The following PCDHA6 variants were observed in gnomAD, a reference collection of about 807,000 sequenced individuals.
PCDHA6 encodes the protein protocadherin alpha 6.
PCDHA6 carries 55 observed loss-of-function variants against 60.3 expected under a neutral mutation model. That is an observed-to-expected ratio of 0.91 (90% CI 0.73 to 1.14). PCDHA6 has a LOEUF of 1.14. Ranked by LOEUF, PCDHA6 falls within the 50% of genes most tolerant of loss-of-function variation. The pLI is 0.00. For missense variants in PCDHA6, 1,327 were observed against 1,256.5 expected, an observed-to-expected ratio of 1.06 and a Z score of -0.85; for synonymous variants, 652 against 557.9, an observed-to-expected ratio of 1.17 and a Z score of -2.38.
chr5:140,976,507 C>T (rs868949957), intron 1 of PCDHA6, among the ~76,000 whole-genome samples: 2 of 151,968 alleles, frequency 1.3e-5, no homozygotes, highest in African/African-American at 4.8e-5. Context: ...GCCAAGATCG[C>T]GCCACTGCAC....
In PCDHA6 at chr5:140,870,897, G is replaced by A. The variant is rs372076650; in HGVS notation, c.2394+40412G>A. 4 of 1,613,942 alleles carry A rather than the reference G, an allele frequency of 2.5e-6. No individual in the cohort carries two copies. In the African/African-American group the frequency reaches 4.0e-5, roughly 16 times the overall value. Reference sequence around the variant, plus strand: ...TGGCGAAGGTGCGCGCAGTGGATGCGGACTCAGGCTACAACGCGTGGCTTT... The same window carrying A: ...TGGCGAAGGTGCGCGCAGTGGATGCAGACTCAGGCTACAACGCGTGGCTTT... On this transcript the variant is annotated intron_variant, in intron 1 of 3. Coordinates refer to ENST00000529310, the MANE Select transcript of PCDHA6 (RefSeq NM_018909.4).
chr5:140,851,332 C>T (rs2042029710), intron 1 of PCDHA6: 1 of 971,624 alleles, frequency 1.0e-6, no homozygotes, highest in Non-Finnish European at 1.3e-6. Context: ...GTTTGTAGTT[C>T]TCTACATTTC....
At chr5:141,003,762 G>A (rs1295345972) in intron 3 of PCDHA6, among the ~76,000 whole-genome samples, 1 of 152,146 alleles carries the variant, frequency 6.6e-6, no homozygotes, top group East Asian at 1.9e-4. Flanking sequence ...AATTATGGTC[G>A]TATTCTGTTA....
intron 1 of PCDHA6, among the ~76,000 whole-genome samples, chr5:140,948,219 T>G (rs1285446038): frequency 6.6e-6 from 1 of 151,682 alleles, no homozygotes; most frequent in Non-Finnish European, 1.5e-5. Context: ...CAAACATTGT[T>G]AGATTTAACT....
rs2150475866 is a variant in PCDHA6 at position 140,850,252 on chromosome 5, GCGC to G, written c.2394+19770_2394+19772del. The G allele has an allele frequency of 1.9e-6, 3 of 1,593,828 alleles. 1 individual carries two copies. The Admixed American group carries it at 5.1e-5, about 27-fold the overall frequency. On this transcript the variant is annotated intron_variant, in intron 1 of 3. Transcript: ENST00000529310. ...AGCGAGATGGTGCTGCGGTCGGTGG[GCGC>G]CGGCGTAGTGGTGGGGAAGGTGCGC...
rs1167461963 is a variant in PCDHA6 at position 140,968,386 on chromosome 5, G to A, written c.2395-10563G>A. 2.5e-6 allele frequency: 4 copies of A among 1,613,910 alleles called. No homozygotes were observed. The African/African-American group carries it at 4.0e-5, about 16-fold the overall frequency. On this transcript the variant is annotated intron_variant, in intron 1 of 3. Transcript: ENST00000529310. ...ATGCTGTCAACTCCTTTGACTATGA[G>A]AAGTTTCGGGAGTTCTTTGTGACTG...
chr5:140,857,377 G>A (rs1347476888), intron 1 of PCDHA6: 1 of 1,598,358 alleles, frequency 6.3e-7, no homozygotes, highest in African/African-American at 1.3e-5. Context: ...TGTCTGTGGA[G>A]GTGGCCGACG....
intron 2 of PCDHA6, among the ~76,000 whole-genome samples, chr5:140,980,278 GAAAAGT>G (rs1267614144): frequency 6.6e-6 from 1 of 152,166 alleles, no homozygotes; most frequent in Non-Finnish European, 1.5e-5. Context: ...ACCAACTCTT[GAAAAGT>G]ACCAAAGCTA....
At position 140,884,316 on chromosome 5, in the gene PCDHA6, C is replaced by T. The variant is rs563652109; in HGVS notation, c.2394+53831C>T. The T allele has an allele frequency of 3.1e-6, 5 of 1,613,752 alleles. No individual in the cohort carries two copies. The East Asian group carries it at 8.9e-5, about 29-fold the overall frequency. On this transcript the variant is annotated intron_variant, in intron 1 of 3. Coordinates refer to ENST00000529310, the MANE Select transcript of PCDHA6 (RefSeq NM_018909.4). ...GCGCCACAGGCTTCGTCGAGGGCGT[C>T]GGCAGGCGCTGTGGGTCCAGAAGCG...
At chr5:140,841,979 C>A (rs1316425759) in intron 1 of PCDHA6, 1 of 1,613,850 alleles carries the variant, frequency 6.2e-7, no homozygotes, top group East Asian at 2.2e-5. Context: ...TGGGGGCAAA[C>A]CTGAGCTCAC....
chr5:140,856,327 G>C, intron 1 of PCDHA6: 1 of 1,598,708 alleles, frequency 6.3e-7, no homozygotes, highest in Non-Finnish European at 8.6e-7. Flanking sequence ...ACCGCGAGGA[G>C]CTGTGCGGGC....
chr5:140,905,722 T>A (rs1326323051), intron 1 of PCDHA6, among the ~76,000 whole-genome samples: 1 of 152,206 alleles, frequency 6.6e-6, no homozygotes, highest in Non-Finnish European at 1.5e-5. Context: ...AGCAGTGTTT[T>A]GTAGTTTTCC....
At chr5:140,990,011 G>T (rs1246081885) in intron 3 of PCDHA6, among the ~76,000 whole-genome samples, 1 of 152,074 alleles carries the variant, frequency 6.6e-6, no homozygotes, top group Non-Finnish European at 1.5e-5. Context: ...CAAGGGCGTG[G>T]GCTAGGCAAA....
intron 1 of PCDHA6, among the ~76,000 whole-genome samples, chr5:140,899,785 A>C (rs1460475621): frequency 6.6e-6 from 1 of 152,166 alleles, no homozygotes; most frequent in African/African-American, 2.4e-5. Flanking sequence ...CTCTGGTATA[A>C]TTCGGCTGTG....
At chr5:140,983,885 T>C (rs74936593) in intron 3 of PCDHA6, among the ~76,000 whole-genome samples, 2,965 of 152,290 alleles carry the variant, frequency 0.019, 72 homozygotes, top group African/African-American at 0.056. Flanking sequence ...ACTGGCAACT[T>C]TAAGGGCATT....
intron 1 of PCDHA6, 78 bp from the exon 2 acceptor site, chr5:140,978,871 T>A (rs1328301924): frequency 6.2e-7 from 1 of 1,606,392 alleles, no homozygotes; most frequent in Non-Finnish European, 8.5e-7. Context: ...TTTAAGGGAG[T>A]AACTAATCAA....
intron 1 of PCDHA6, among the ~76,000 whole-genome samples, chr5:140,902,661 C>T (rs1554190552): frequency 6.6e-6 from 1 of 152,036 alleles, no homozygotes; most frequent in Non-Finnish European, 1.5e-5. Flanking sequence ...CACCTGTCAC[C>T]CAAGCAGTGT....
chr5:140,888,287 C>T (rs1371852276), intron 1 of PCDHA6, among the ~76,000 whole-genome samples: 1 of 152,072 alleles, frequency 6.6e-6, no homozygotes, highest in African/African-American at 2.4e-5. Flanking sequence ...CCCCTCTACC[C>T]CCTACCCAGG....
In PCDHA6 at chr5:140,969,495, C is replaced by T. The variant is rs1205771172; in HGVS notation, c.2395-9454C>T. On this transcript the variant is annotated intron_variant, in intron 1 of 3. Transcript: ENST00000529310. The stretch of plus-strand genomic sequence containing the variant: ...TTGATCATAATCTGCTATTTCCTCT[C>T]TAGAAAAATAGCACTAAAGAATTGT... 10 of 1,437,770 alleles carry T rather than the reference C, an allele frequency of 7.0e-6. No homozygotes were observed. The African/African-American group carries it at 7.2e-5, about 10-fold the overall frequency. The allele number at this position is 1,437,770 out of a possible 1,614,324, so 89.1% of individuals were successfully genotyped here. A position where few individuals can be genotyped will look rare whatever the true frequency, so the allele number is the denominator to read the frequency against.
Sources: allele counts gnomAD v4.1 joint callset (sites outside exome capture counted in the v4.1 genomes callset), GRCh38; gene constraint gnomAD v4.1.1; transcripts MANE v1.5; gene names NCBI Gene and HGNC (gene_info 2026-07-23, HGNC 2026-07-21).